Variants in METTL16 observed in about 807,000 individuals in gnomAD.
METTL16 encodes the protein methyltransferase 16, RNA N6-adenosine.
Under a neutral mutation model 57.9 loss-of-function variants are expected in METTL16, and 19 were observed. The ratio of observed to expected loss-of-function variants is 0.33; its 90% CI spans 0.23 to 0.48. METTL16 has a LOEUF of 0.48. Ranked by LOEUF, METTL16 falls within the 20% of genes least tolerant of loss-of-function variation. The probability of loss-of-function intolerance (pLI) is 0.99; values close to 1 mark genes in which losing one functional copy is unlikely to be tolerated. For missense variants in METTL16, 434 were observed against 691.5 expected (o/e 0.63, Z 4.18); for synonymous variants, 246 against 255.6 (o/e 0.96, Z 0.36).
chr17:2,454,557 A>ATT (rs1263459882), intron 6 of METTL16, among the ~76,000 whole-genome samples: 1 of 140,434 alleles, frequency 7.1e-6, no homozygotes, highest in African/African-American at 2.7e-5. Context: ...CTATATTATT[A>ATT]TTATTATTTT....
At chr17:2,473,248 T>C (rs1015301195) in intron 4 of METTL16, among the ~76,000 whole-genome samples, 1 of 152,188 alleles carries the variant, frequency 6.6e-6, no homozygotes, top group Non-Finnish European at 1.5e-5. Context: ...GAAACATTTA[T>C]TCAAGAAAAT....
At chr17:2,431,041 G>T (rs1333207561) in intron 8 of METTL16, among the ~76,000 whole-genome samples, 1 of 152,080 alleles carries the variant, frequency 6.6e-6, no homozygotes, top group African/African-American at 2.4e-5. Flanking sequence ...CGCCTCCTGG[G>T]TTCAAGCAAT....
chr17:2,505,757 G>T (rs1050195528), intron 1 of METTL16, among the ~76,000 whole-genome samples: 2 of 151,754 alleles, frequency 1.3e-5, no homozygotes, highest in Non-Finnish European at 1.5e-5. Flanking sequence ...CTTCCACCTC[G>T]TAGTGATCAT....
intron 1 of METTL16, among the ~76,000 whole-genome samples, chr17:2,506,306 C>G (rs983817423): frequency 1.1e-4 from 16 of 148,248 alleles, no homozygotes; most frequent in African/African-American, 3.7e-4. Context: ...TCCCTCTCCC[C>G]CTCTTGCCAC....
At chr17:2,448,980 T>C (rs1279910648) in intron 6 of METTL16, among the ~76,000 whole-genome samples, 6 of 149,254 alleles carry the variant, frequency 4.0e-5, no homozygotes, top group East Asian at 3.9e-4. Flanking sequence ...TGAGCCGAGA[T>C]TGCGCCACTG....
At chr17:2,443,623 A>G (rs1205862301) in intron 6 of METTL16, among the ~76,000 whole-genome samples, 1 of 151,166 alleles carries the variant, frequency 6.6e-6, no homozygotes, top group Admixed American at 6.6e-5. Flanking sequence ...AGTAGCTGGG[A>G]CTACAGGCGC....
chr17:2,431,032 G>A (rs1222218036), intron 8 of METTL16, among the ~76,000 whole-genome samples: 6 of 151,962 alleles, frequency 3.9e-5, no homozygotes, highest in African/African-American at 4.8e-5. Flanking sequence ...TGCAACCTCC[G>A]CCTCCTGGGT....
intron 2 of METTL16, among the ~76,000 whole-genome samples, chr17:2,492,914 A>ACC (rs1555621105): frequency 7.0e-6 from 1 of 143,564 alleles, no homozygotes; most frequent in Non-Finnish European, 1.5e-5. Flanking sequence ...AAAAAAAAAA[A>ACC]AACAACAAAA....
chr17:2,506,017 G>C (rs930325185), intron 1 of METTL16, among the ~76,000 whole-genome samples: 1 of 151,802 alleles, frequency 6.6e-6, no homozygotes, highest in Admixed American at 6.6e-5. Context: ...CACCAGGCTG[G>C]AGTGCAGTGG....
At chr17:2,442,642 G>C (rs1293597840) in intron 6 of METTL16, among the ~76,000 whole-genome samples, 1 of 152,120 alleles carries the variant, frequency 6.6e-6, no homozygotes, top group African/African-American at 2.4e-5. Context: ...TATCAGAACT[G>C]AAAGAGGGGA....
At chr17:2,482,020 A>G (rs2067310793) in intron 2 of METTL16, among the ~76,000 whole-genome samples, 1 of 152,232 alleles carries the variant, frequency 6.6e-6, no homozygotes, top group African/African-American at 2.4e-5. Context: ...TAGAGGAAAA[A>G]AAGTGTGACA....
chr17:2,461,929 G>A (rs150567974), intron 6 of METTL16, among the ~76,000 whole-genome samples: 12 of 152,166 alleles, frequency 7.9e-5, no homozygotes, highest in Admixed American at 5.9e-4. Flanking sequence ...ATACTACATA[G>A]ACAGAAAAGA....
intron 6 of METTL16, among the ~76,000 whole-genome samples, chr17:2,449,225 G>T (rs1371886613): frequency 6.6e-6 from 1 of 152,082 alleles, no homozygotes; most frequent in Non-Finnish European, 1.5e-5. Context: ...GCTAAACCAG[G>T]TTGGAATGGA....
chr17:2,429,306 A>G (rs1314583877), intron 8 of METTL16, among the ~76,000 whole-genome samples: 1 of 147,974 alleles, frequency 6.8e-6, no homozygotes, highest in Non-Finnish European at 1.5e-5. Flanking sequence ...CTCCTGCCTC[A>G]GCCTCCCAAG....
At chr17:2,421,833 G>A (rs1389956945) in intron 8 of METTL16, among the ~76,000 whole-genome samples, 3 of 152,250 alleles carry the variant, frequency 2.0e-5, no homozygotes, top group East Asian at 1.9e-4. Context: ...GGCTGATGTC[G>A]GGACCAAGCC....
intron 2 of METTL16, among the ~76,000 whole-genome samples, chr17:2,496,938 T>C (rs1355938419): frequency 6.6e-6 from 1 of 151,710 alleles, no homozygotes; most frequent in South Asian, 2.1e-4. Flanking sequence ...GAGAAATAAA[T>C]TTCTGTTCTT....
In METTL16 at chr17:2,419,918, G is replaced by A; in HGVS notation, c.*52C>T. ...TAGGATTCCTCTTGCCACCCCACAG[G>A]CCACTCCAAAGCAAGTTACTATCAA... On this transcript the variant is annotated 3_prime_UTR_variant, in exon 10 of 10. Coordinates refer to ENST00000263092, the MANE Select transcript of METTL16 (RefSeq NM_024086.4). 6.3e-7 allele frequency: 1 copy of A among 1,596,050 alleles called. No individual in the cohort carries two copies. The highest frequency in any genetic ancestry group is 8.6e-7 in the Non-Finnish European group (1 of 1,169,024).
In METTL16 at chr17:2,453,487, G is replaced by C. The variant is rs1269372948; in HGVS notation, c.728+10721C>G. Among the ~76,000 whole-genome samples the C allele has an allele frequency of 5.3e-5, 8 of 152,308 alleles. 1 individual carries two copies. The highest frequency in any genetic ancestry group is 1.7e-4 in the African/African-American group (7 of 41,580). ...GATTCAGATGACACATTTCTGGCGT[G>C]AAGAGCACGGAGGCGCTGCTTGTCC... On this transcript the variant is annotated intron_variant, in intron 6 of 9. Coordinates refer to ENST00000263092, the MANE Select transcript of METTL16 (RefSeq NM_024086.4).
At position 2,491,940 on chromosome 17, in the gene METTL16, G is replaced by A. The variant is rs533989724; in HGVS notation, c.128+10264C>T. ...AATAAAAACAAATAGGGCTGGGCGC[G>A]GTGGCTCACGCCTGTAACCCCAGCA... On this transcript the variant is annotated intron_variant, in intron 2 of 9. Transcript: ENST00000263092. 1.4e-3 allele frequency among the ~76,000 whole-genome samples: 208 copies of A among 150,326 alleles called. 5 individuals carry two copies. The highest frequency in any genetic ancestry group is 2.1e-3 in the Non-Finnish European group (143 of 67,552).
Sources: allele counts gnomAD v4.1 joint callset (sites outside exome capture counted in the v4.1 genomes callset), GRCh38; gene constraint gnomAD v4.1.1; transcripts MANE v1.5; gene names NCBI Gene and HGNC (gene_info 2026-07-23, HGNC 2026-07-21).